The following ARMC8 variants were observed in gnomAD, a reference collection of about 807,000 sequenced individuals.
ARMC8 encodes the protein armadillo repeat-containing protein 8.
Under a neutral mutation model 99.3 loss-of-function variants are expected in ARMC8, and 20 were observed. The ratio of observed to expected loss-of-function variants is 0.20; its 90% CI spans 0.14 to 0.29. The LOEUF is 0.29. Ranked by LOEUF, ARMC8 falls within the 10% of genes least tolerant of loss-of-function variation. The pLI is 1.00. For missense variants in ARMC8, 569 were observed against 809.5 expected (o/e 0.70, Z 3.60); for synonymous variants, 263 against 278.3 (o/e 0.95, Z 0.55).
intron 1 of ARMC8, among the ~76,000 whole-genome samples, chr3:138,190,396 C>T (rs1432768947): frequency 2.0e-5 from 3 of 150,558 alleles, no homozygotes; most frequent in Admixed American, 1.3e-4. Context: ...AAGCGATTCT[C>T]CTGCCTCAGT....
rs1262644802 is a variant in ARMC8 at position 138,294,494 on chromosome 3, GA to G, written c.1989-1364del. 2.0e-5 allele frequency among the ~76,000 whole-genome samples: 3 copies of G among 152,328 alleles called. No individual in the cohort carries two copies. In the South Asian group the frequency reaches 6.2e-4, roughly 32 times the overall value. On this transcript the variant is annotated intron_variant, in intron 21 of 21. Transcript: ENST00000469044. ...TAATCTTTCTAGAGCTTTCTGTTCT[GA>G]TGGATTGGACTATTCACAATATCAT... is the stretch of plus-strand genomic sequence containing the variant.
chr3:138,253,806 A>G (rs943214141), intron 12 of ARMC8, among the ~76,000 whole-genome samples: 1 of 152,180 alleles, frequency 6.6e-6, no homozygotes, highest in South Asian at 2.1e-4. Flanking sequence ...ATGAGACACT[A>G]AATTGCTATG....
At chr3:138,192,816 T>G (rs1344604897) in intron 1 of ARMC8, among the ~76,000 whole-genome samples, 5 of 152,154 alleles carry the variant, frequency 3.3e-5, no homozygotes, top group Non-Finnish European at 7.4e-5. Context: ...ATTACAGGTG[T>G]GAGCCACTGC....
At position 138,201,436 on chromosome 3, in the gene ARMC8, CTTTTTTTTTTTTTTTTTTTTTTTTT is replaced by C. The variant is rs58707271; in HGVS notation, c.46-8364_46-8340del. On this transcript the variant is annotated intron_variant, in intron 1 of 21. Transcript: ENST00000469044. ...TAGAGTCCTTGTCTTCTTCCCCTCC[CTTTTTTTTTTTTTTTTTTTTTTTTT>C]TTTTTTTTTTTTTTTTCCTGAGACA... is the stretch of plus-strand genomic sequence containing the variant. 2.3e-3 allele frequency among the ~76,000 whole-genome samples: 147 copies of C among 65,000 alleles called. 1 individual carries two copies. The highest frequency in any genetic ancestry group is 5.2e-3 in the African/African-American group (118 of 22,912). The allele number at this position is 65,000 out of a possible 152,430, so 42.6% of individuals were successfully genotyped here.
At chr3:138,207,919 G>A (rs1329099299) in intron 1 of ARMC8, among the ~76,000 whole-genome samples, 2 of 152,068 alleles carry the variant, frequency 1.3e-5, no homozygotes, top group Admixed American at 1.3e-4. Context: ...CACCACTTTT[G>A]CCTCTTTGCT....
At chr3:138,190,281 C>CT (rs141579108) in intron 1 of ARMC8, among the ~76,000 whole-genome samples, 1,913 of 114,290 alleles carry the variant, frequency 0.017, 40 homozygotes, top group African/African-American at 0.033. Context: ...ATTTTCTTAT[C>CT]TTTTTTTTTT....
chr3:138,256,646 G>A (rs1281738016), intron 12 of ARMC8, among the ~76,000 whole-genome samples: 4 of 152,104 alleles, frequency 2.6e-5, no homozygotes, highest in African/African-American at 9.6e-5. Context: ...TCCCGACCTC[G>A]TGATCTGCCC....
At chr3:138,295,789 T>C in intron 21 of ARMC8, 70 bp from the exon 22 acceptor site, 1 of 1,557,736 alleles carries the variant, frequency 6.4e-7, no homozygotes. Context: ...GCTATCATCA[T>C]TGAACCATAG....
intron 1 of ARMC8, among the ~76,000 whole-genome samples, chr3:138,194,046 C>CTTT (rs755827729): frequency 1.4e-5 from 2 of 142,328 alleles, no homozygotes; most frequent in African/African-American, 5.1e-5. Context: ...GGCATTACGT[C>CTTT]TTTTTTTTTT....
chr3:138,293,299 T>C (rs2051155786), intron 21 of ARMC8, among the ~76,000 whole-genome samples: 1 of 152,194 alleles, frequency 6.6e-6, no homozygotes, highest in Non-Finnish European at 1.5e-5. Flanking sequence ...CCCAGCACTT[T>C]GGGAGGCCGA....
At chr3:138,264,412 C>CTTTTTTT (rs11298899) in intron 14 of ARMC8, among the ~76,000 whole-genome samples, 200 bp downstream of exon 14, 17 of 48,626 alleles carry the variant, frequency 3.5e-4, no homozygotes, top group African/African-American at 3.9e-4. Context: ...GATTTTCTTT[C>CTTTTTTT]TTTTTTTTTT....
At chr3:138,277,254 A>AT (rs1174191713) in intron 18 of ARMC8, among the ~76,000 whole-genome samples, 1 of 152,232 alleles carries the variant, frequency 6.6e-6, no homozygotes, top group Non-Finnish European at 1.5e-5. Flanking sequence ...CACACTTGAG[A>AT]TAAAAATTTA....
At position 138,296,088 on chromosome 3, in the gene ARMC8, A is replaced by T; in HGVS notation, c.*196A>T. 1 of 494,632 alleles carries T rather than the reference A, an allele frequency of 2.0e-6. No individual in the cohort carries two copies. Among genetic ancestry groups the T allele is most frequent in the South Asian group, 3.4e-5 (1 of 29,636 alleles). 30.6% of individuals were successfully genotyped at this position (494,632 alleles called of 1,614,324 possible). ...TTTGAGGTAGTAATTTCCTCAGAAG[A>T]CTCTTGTGTTTTGTTTTGGTTTTTT... is the stretch of plus-strand genomic sequence containing the variant. On this transcript the variant is annotated 3_prime_UTR_variant, in exon 22 of 22. Coordinates refer to ENST00000469044, the MANE Select transcript of ARMC8 (RefSeq NM_001363941.2).
intron 12 of ARMC8, chr3:138,246,451 C>T (rs1253106820): frequency 6.1e-6 from 6 of 985,096 alleles, no homozygotes; most frequent in Non-Finnish European, 7.2e-6. Context: ...AGTTTGGGTA[C>T]GTTGGTGTAT....
At chr3:138,228,804 G>A (rs2045828731) in intron 5 of ARMC8, 114 bp from the exon 6 acceptor site, 2 of 656,572 alleles carry the variant, frequency 3.0e-6, no homozygotes, top group Non-Finnish European at 5.5e-6. Context: ...AAGGAGACTT[G>A]ATTGACTGTC....
At chr3:138,272,482 G>A (rs537804737) in intron 16 of ARMC8, among the ~76,000 whole-genome samples, 7 of 152,180 alleles carry the variant, frequency 4.6e-5, no homozygotes, top group South Asian at 2.1e-4. Context: ...TAACAGTTAC[G>A]TTTCTCTTGA....
chr3:138,284,809 T>C (rs919104183), intron 19 of ARMC8, among the ~76,000 whole-genome samples: 7 of 152,178 alleles, frequency 4.6e-5, no homozygotes, highest in Non-Finnish European at 7.3e-5. Flanking sequence ...CTCTTGGCTT[T>C]CTCTCAGTGG....
At position 138,291,426 on chromosome 3, in the gene ARMC8, G is replaced by T. The variant is rs544580056; in HGVS notation, c.1988+787G>T. On this transcript the variant is annotated intron_variant, in intron 21 of 21. Transcript: ENST00000469044. ...TTGCTATCCCAGTCTCCTCTCCTCT[G>T]AGTCCCCATTCATTCATCAGATATC... is the stretch of plus-strand genomic sequence containing the variant. Among the ~76,000 whole-genome samples the T allele has an allele frequency of 1.4e-4, 22 of 152,304 alleles. 1 individual carries two copies. In the South Asian group the frequency reaches 4.6e-3, roughly 32 times the overall value.
At chr3:138,208,614 G>A (rs971690758) in intron 1 of ARMC8, among the ~76,000 whole-genome samples, 3 of 152,156 alleles carry the variant, frequency 2.0e-5, no homozygotes, top group Non-Finnish European at 4.4e-5. Context: ...CTGATTTGGA[G>A]TTCTGAGTAA....
Sources: allele counts gnomAD v4.1 joint callset (sites outside exome capture counted in the v4.1 genomes callset), GRCh38; gene constraint gnomAD v4.1.1; transcripts MANE v1.5; gene names NCBI Gene and HGNC (gene_info 2026-07-23, HGNC 2026-07-21).